The following CCL23 variants were observed in gnomAD, a reference collection of about 807,000 sequenced individuals.
The protein encoded by CCL23 is C-C motif chemokine 23.
A neutral mutation model predicts 11.8 loss-of-function variants in CCL23; 10 were observed. That is an observed-to-expected ratio of 0.84 (90% CI 0.52 to 1.43). The LOEUF (loss-of-function observed/expected upper bound fraction) is 1.43. Among genes scored for constraint, CCL23 ranks in the 40% most tolerant of loss-of-function variants. The pLI is 0.00. For synonymous variants in CCL23, 60 were observed against 61.0 expected (o/e 0.98, Z 0.07); for missense variants, 181 against 170.9 (o/e 1.06, Z -0.33).
chr17:36,014,457 A>C, intron 1 of CCL23, 64 bp from the exon 2 acceptor site: 10 of 1,281,426 alleles, frequency 7.8e-6, no homozygotes, highest in Non-Finnish European at 1.1e-5. Flanking sequence ...CAGCATCTCC[A>C]CCCACCCCAT....
intron 1 of CCL23, 147 bp downstream of exon 1, chr17:36,017,675 A>G (rs1245238390): frequency 2.5e-5 from 18 of 725,622 alleles, no homozygotes; most frequent in Non-Finnish European, 4.0e-5. Context: ...TGCAGACAGA[A>G]CCAGGTCTAT....
At chr17:36,014,257 A>C (rs2090080888) in intron 2 of CCL23, 77 bp downstream of exon 2, 1 of 1,083,448 alleles carries the variant, frequency 9.2e-7, no homozygotes, top group African/African-American at 1.5e-5. Context: ...CATTCTGTAA[A>C]CAGGGACAAT....
chr17:36,015,808 G>A (rs1172292028), intron 1 of CCL23, among the ~76,000 whole-genome samples: 2 of 152,068 alleles, frequency 1.3e-5, no homozygotes, highest in East Asian at 1.9e-4. Context: ...AGGCCAAGGC[G>A]GGCGGATCAC....
chr17:36,013,118 C>T lies in CCL23; in HGVS notation c.*79G>A, dbSNP rs2090068954. Reference sequence around the variant, plus strand: ...ATCCAGAACACAAGAATAAATGCTTCTTAAAAAAATAATTCAGGAAGGTAG... The same window carrying T: ...ATCCAGAACACAAGAATAAATGCTTTTTAAAAAAATAATTCAGGAAGGTAG... On this transcript the variant is annotated 3_prime_UTR_variant, in exon 4 of 4. Transcript: ENST00000615050. The T allele has an allele frequency of 3.7e-6, 3 of 819,420 alleles. No homozygotes were observed. The highest frequency in any genetic ancestry group is 4.9e-5 in the East Asian group (2 of 41,086). The allele number at this position is 819,420 out of a possible 1,614,324, so 50.8% of individuals were successfully genotyped here. A position where few individuals can be genotyped will look rare whatever the true frequency, so the allele number is the denominator to read the frequency against.
In CCL23 at chr17:36,017,815, G is replaced by A; in HGVS notation, c.76+7C>T. 9 of 1,613,894 alleles carry A rather than the reference G, an allele frequency of 5.6e-6. No homozygotes were observed. Among genetic ancestry groups the A allele is most frequent in the Non-Finnish European group, 7.6e-6 (9 of 1,179,828 alleles). On this transcript the variant is annotated splice_region_variant and intron_variant, in intron 1 of 3. Coordinates refer to ENST00000615050, the MANE Select transcript of CCL23 (RefSeq NM_005064.6). ...TGGTCATCTGAGAGAAAGCTCACTG[G>A]ACTCACCTTTTGTGACCCGGGCCTG...
intron 1 of CCL23, among the ~76,000 whole-genome samples, chr17:36,016,534 T>C (rs1169040732): frequency 6.6e-6 from 1 of 152,204 alleles, no homozygotes; most frequent in Non-Finnish European, 1.5e-5. Context: ...TAGTATTCCA[T>C]GGTGTATATG....
At chr17:36,016,619 T>C (rs2090099700) in intron 1 of CCL23, among the ~76,000 whole-genome samples, 1 of 151,980 alleles carries the variant, frequency 6.6e-6, no homozygotes, top group Non-Finnish European at 1.5e-5. Flanking sequence ...TTGTGATTAG[T>C]GCTGCAATAA....
In CCL23 at chr17:36,013,086, G is replaced by T; in HGVS notation, c.*111C>A. 2.9e-6 allele frequency: 2 copies of T among 689,726 alleles called. No individual in the cohort carries two copies. The highest frequency in any genetic ancestry group is 1.8e-5 in the African/African-American group (1 of 56,950). 42.7% of individuals were successfully genotyped at this position (689,726 alleles called of 1,614,324 possible). ...TGAGAAACTGTTTATTAGATGAATT[G>T]CTCTAAATCCAGAACACAAGAATAA... On this transcript the variant is annotated 3_prime_UTR_variant, in exon 4 of 4. Coordinates refer to ENST00000615050, the MANE Select transcript of CCL23 (RefSeq NM_005064.6).
intron 1 of CCL23, among the ~76,000 whole-genome samples, chr17:36,014,798 G>A (rs1327854408): frequency 6.6e-6 from 1 of 152,142 alleles, no homozygotes; most frequent in Non-Finnish European, 1.5e-5. Context: ...GTGAAGTGCA[G>A]CTATTATGGT....
intron 1 of CCL23, among the ~76,000 whole-genome samples, chr17:36,017,223 C>T (rs761672822): frequency 2.6e-5 from 4 of 151,944 alleles, no homozygotes; most frequent in Non-Finnish European, 5.9e-5. Context: ...TTGTTTCTTC[C>T]CTACAAAAGT....
At position 36,013,669 on chromosome 17, in the gene CCL23, G is replaced by T. The variant is rs900146731; in HGVS notation, c.302+75C>A. ...AGAGGGTGGGCCCTGATGGACACCA[G>T]TCTATCAGGTCCTCCCTGCAAGATG... On this transcript the variant is annotated intron_variant, in intron 3 of 3. Coordinates refer to ENST00000615050, the MANE Select transcript of CCL23 (RefSeq NM_005064.6). The T allele has an allele frequency of 4.1e-6, 6 of 1,454,630 alleles. No homozygotes were observed. In the African/African-American group the frequency reaches 4.2e-5, roughly 10 times the overall value. 90.1% of individuals were successfully genotyped at this position (1,454,630 alleles called of 1,614,324 possible). A position where few individuals can be genotyped will look rare whatever the true frequency, so the allele number is the denominator to read the frequency against.
At position 36,013,231 on chromosome 17, in the gene CCL23, T is replaced by G. The variant is rs1410588703; in HGVS notation, c.380A>C (p.Lys127Thr). ...KQVQVCMRML[K>T]LDTRIKTRKN ...CCTGGTCTTGATCCGTGTGTCCAGC[T>G]TCAGCATTCTCATGCAAACCTGAAC... Residue 127 changes from lysine to threonine, a missense_variant, in exon 4 of 4, where the codon AAG becomes ACG. Transcript: ENST00000615050. 6.2e-7 allele frequency: 1 copy of G among 1,613,526 alleles called. No individual in the cohort carries two copies. The highest frequency in any genetic ancestry group is 1.7e-5 in the Admixed American group (1 of 60,018).
rs750423889 is a variant in CCL23, at chr17:36,014,318, G to A, written c.136+16C>T. The A allele has an allele frequency of 2.5e-5, 40 of 1,587,136 alleles. No homozygotes were observed. Among genetic ancestry groups the A allele is most frequent in the African/African-American group, 6.7e-5 (5 of 74,412 alleles). On this transcript the variant is annotated intron_variant, in intron 2 of 3. Coordinates refer to ENST00000615050, the MANE Select transcript of CCL23 (RefSeq NM_005064.6). ...TGCTGGCTGCTTTTAAATATATGCCGTATCTGATCACTTACTGTCCAGAAG... is the reference window on the plus strand; with the variant it reads ...TGCTGGCTGCTTTTAAATATATGCCATATCTGATCACTTACTGTCCAGAAG...
At chr17:36,015,546 T>C (rs2090091386) in intron 1 of CCL23, among the ~76,000 whole-genome samples, 1 of 152,242 alleles carries the variant, frequency 6.6e-6, no homozygotes, top group African/African-American at 2.4e-5. Context: ...CATCATATCA[T>C]ATTAACTTTT....
intron 1 of CCL23, 72 bp downstream of exon 1, chr17:36,017,750 G>T: frequency 2.9e-6 from 4 of 1,361,894 alleles, no homozygotes; most frequent in Non-Finnish European, 4.2e-6. Context: ...TTACAGGAGG[G>T]CAATGTGTCT....
In CCL23 at chr17:36,013,240, C is replaced by T. The variant is rs755426979; in HGVS notation, c.371G>A (p.Arg124Lys). ...PSDKQVQVCM[R>K]MLKLDTRIKT... ...GATCCGTGTGTCCAGCTTCAGCATT[C>T]TCATGCAAACCTGAACTTGCTTATC... The change falls in exon 4 of 4, where the codon AGA becomes AAA. Residue 124 changes from arginine (R) to lysine (K), a missense_variant. Coordinates refer to ENST00000615050, the MANE Select transcript of CCL23 (RefSeq NM_005064.6). The T allele has an allele frequency of 8.7e-6, 14 of 1,613,694 alleles. No homozygotes were observed. Among genetic ancestry groups the T allele is most frequent in the South Asian group, 2.2e-5 (2 of 91,068 alleles).
Position 36,013,913 on chromosome 17 carries a change from T to G in CCL23, c.137-4A>C. 1 of 1,613,982 alleles carries G rather than the reference T, an allele frequency of 6.2e-7. No individual in the cohort carries two copies. The highest frequency in any genetic ancestry group is 8.5e-7 in the Non-Finnish European group (1 of 1,179,894). On this transcript the variant is annotated splice_region_variant and splice_polypyrimidine_tract_variant and intron_variant, in intron 2 of 3. Coordinates refer to ENST00000615050, the MANE Select transcript of CCL23 (RefSeq NM_005064.6). Reference sequence around the variant, plus strand: ...CCAATCTTTCTCCTCCAGAGCACTGTGGAGGGTGAGAAGGCACATGGCTCA... The same window carrying G: ...CCAATCTTTCTCCTCCAGAGCACTGGGGAGGGTGAGAAGGCACATGGCTCA...
At chr17:36,017,438 A>G (rs1477909904) in intron 1 of CCL23, among the ~76,000 whole-genome samples, 1 of 152,174 alleles carries the variant, frequency 6.6e-6, no homozygotes, top group Non-Finnish European at 1.5e-5. Context: ...CTTCTCCAAA[A>G]TGATATGATA....
chr17:36,013,199 A>G lies in CCL23; in HGVS notation c.412T>C (p.Ter138ArgextTer26), dbSNP rs758434026. 3.1e-6 allele frequency: 5 copies of G among 1,601,858 alleles called. No homozygotes were observed. In the Admixed American group the frequency reaches 5.0e-5, roughly 16 times the overall value. Residue 138 changes from the stop codon to arginine (R), a stop_lost, in exon 4 of 4, where the codon TGA (stop) becomes CGA (arginine). Transcript: ENST00000615050. ...LDTRIKTRKN[*>R] is the part of the protein sequence containing the mutation. ...TGTGTCCCTTCACCTTGACAAGTTC[A>G]ATTCTTCCTGGTCTTGATCCGTGTG...
Sources: allele counts gnomAD v4.1 joint callset (sites outside exome capture counted in the v4.1 genomes callset), GRCh38; gene constraint gnomAD v4.1.1; transcripts MANE v1.5; gene names NCBI Gene and HGNC (gene_info 2026-07-23, HGNC 2026-07-21).